Variants in CREB5 observed in about 807,000 individuals in gnomAD.
CREB5 encodes cAMP responsive element binding protein 5.
Under a neutral mutation model 57.1 loss-of-function variants are expected in CREB5, and 19 were observed. The observed-to-expected ratio is 0.33, with a 90% CI of 0.23 to 0.49. The LOEUF (loss-of-function observed/expected upper bound fraction) is 0.49. Among genes scored for constraint, CREB5 ranks in the 20% least tolerant of loss-of-function variants. The probability of loss-of-function intolerance (pLI) is 0.99; values close to 1 mark genes in which losing one functional copy is unlikely to be tolerated. For missense variants in CREB5, 579 were observed against 671.6 expected, an observed-to-expected ratio of 0.86 and a Z score of 1.52; for synonymous variants, 238 against 238.3, an observed-to-expected ratio of 1.00 and a Z score of 0.01.
chr7:28,492,335 T>A (rs1791842003), intron 2 of CREB5, among the ~76,000 whole-genome samples: 1 of 152,230 alleles, frequency 6.6e-6, no homozygotes, highest in South Asian at 2.1e-4. Flanking sequence ...TTCGACATTA[T>A]CTTTGTCTCA....
At chr7:28,435,740 G>A (rs907999967) in intron 1 of CREB5, 5 of 844,828 alleles carry the variant, frequency 5.9e-6, no homozygotes, top group Non-Finnish European at 7.1e-6. Flanking sequence ...CAAACACTCA[G>A]ATGTAAATTA....
chr7:28,399,919 G>A (rs983789678), intron 1 of CREB5, among the ~76,000 whole-genome samples: 18 of 152,132 alleles, frequency 1.2e-4, no homozygotes, highest in East Asian at 1.9e-4. Flanking sequence ...TTAGCTGGGC[G>A]TGGTGGCAGG....
chr7:28,370,463 G>A (rs1786684185), intron 1 of CREB5, among the ~76,000 whole-genome samples: 1 of 152,154 alleles, frequency 6.6e-6, no homozygotes, highest in Admixed American at 6.5e-5. Context: ...TGACGTTCTG[G>A]TTCATTCAAG....
chr7:28,585,639 AT>A (rs1476520763), intron 5 of CREB5, among the ~76,000 whole-genome samples: 1 of 152,196 alleles, frequency 6.6e-6, no homozygotes, highest in African/African-American at 2.4e-5. Flanking sequence ...GCTCTGAGTG[AT>A]TTAAAGGCAA....
intron 1 of CREB5, among the ~76,000 whole-genome samples, chr7:28,300,611 T>C (rs1457059246): frequency 1.3e-5 from 2 of 152,190 alleles, no homozygotes; most frequent in Admixed American, 1.3e-4. Context: ...CCAGTGAACA[T>C]TTCCTGTTGC....
At chr7:28,349,527 G>A (rs1165007059) in intron 1 of CREB5, among the ~76,000 whole-genome samples, 3 of 151,994 alleles carry the variant, frequency 2.0e-5, no homozygotes, top group South Asian at 4.2e-4. Flanking sequence ...CAATAGGGAG[G>A]TGTGAAATTT....
upstream of CREB5, chr7:28,410,407 T>A (rs1787732176): frequency 2.2e-6 from 1 of 456,650 alleles, no homozygotes; most frequent in Non-Finnish European, 4.4e-6. Flanking sequence ...CGGCAGATTC[T>A]CGGCAGAATC....
chr7:28,638,519 G>T (rs1470833570), intron 5 of CREB5, among the ~76,000 whole-genome samples: 4 of 151,764 alleles, frequency 2.6e-5, no homozygotes, highest in Admixed American at 2.0e-4. Context: ...GCTTATTTTG[G>T]ATTTTTTGGC....
intron 5 of CREB5, among the ~76,000 whole-genome samples, chr7:28,580,560 TG>T (rs1275608873): frequency 7.6e-5 from 8 of 105,044 alleles, no homozygotes; most frequent in Middle Eastern, 6.6e-3. Flanking sequence ...GGCAAATTGG[TG>T]TGTGTGTGTG....
chr7:28,797,638 A>G (rs1229710833), intron 7 of CREB5, among the ~76,000 whole-genome samples: 1 of 152,254 alleles, frequency 6.6e-6, no homozygotes, highest in Non-Finnish European at 1.5e-5. Context: ...TAAGCCAAGT[A>G]TGATCTTAGT....
intron 5 of CREB5, among the ~76,000 whole-genome samples, chr7:28,718,101 C>CT (rs749326941): frequency 9.2e-5 from 14 of 152,224 alleles, no homozygotes; most frequent in Non-Finnish European, 1.9e-4. Context: ...GTGAAACAGC[C>CT]TAACACCTCG....
intron 5 of CREB5, among the ~76,000 whole-genome samples, chr7:28,693,826 T>C (rs951412757): frequency 5.9e-5 from 9 of 152,238 alleles, no homozygotes; most frequent in South Asian, 2.1e-4. Context: ...GTTGACTTCT[T>C]TGGAAGTCTG....
chr7:28,665,064 A>G (rs943200899), intron 5 of CREB5, among the ~76,000 whole-genome samples: 2 of 152,220 alleles, frequency 1.3e-5, no homozygotes, highest in African/African-American at 4.8e-5. Flanking sequence ...AAGGCTAAGA[A>G]AAAGACAAAA....
At chr7:28,551,106 A>G (rs1794624743) in intron 4 of CREB5, among the ~76,000 whole-genome samples, 1 of 152,086 alleles carries the variant, frequency 6.6e-6, no homozygotes, top group Non-Finnish European at 1.5e-5. Context: ...GTTGATGATT[A>G]CCAGTGCCAA....
intron 1 of CREB5, among the ~76,000 whole-genome samples, chr7:28,416,377 GCTGA>G (rs1788026629): frequency 6.6e-6 from 1 of 152,178 alleles, no homozygotes; most frequent in Admixed American, 6.5e-5. Flanking sequence ...GTTTGAATTA[GCTGA>G]CTATTAGAAG....
intron 5 of CREB5, among the ~76,000 whole-genome samples, chr7:28,578,275 C>A (rs1414481599): frequency 6.6e-6 from 1 of 152,036 alleles, no homozygotes; most frequent in Non-Finnish European, 1.5e-5. Flanking sequence ...TCAAGATTGG[C>A]TCAGTATTTC....
chr7:28,561,697 T>G (rs1297881708), intron 4 of CREB5, among the ~76,000 whole-genome samples: 4 of 152,230 alleles, frequency 2.6e-5, no homozygotes, highest in African/African-American at 9.6e-5. Context: ...ACTGGTTATT[T>G]TCAGGTGAAC....
At position 28,560,909 on chromosome 7, in the gene CREB5, C is replaced by CGTGT. The variant is rs1268332483; in HGVS notation, c.292-9454_292-9451dup. Reference sequence around the variant, plus strand: ...GTGCGTGTGTGTGCGTGCGCGCGTGCGTGTGCGTGTGTGCGCGTGCGTGTG... The same window carrying CGTGT: ...GTGCGTGTGTGTGCGTGCGCGCGTGCGTGTGTGTGCGTGTGTGCGCGTGCGTGTG... On this transcript the variant is annotated intron_variant, in intron 4 of 10. Coordinates refer to ENST00000357727, the MANE Select transcript of CREB5 (RefSeq NM_182898.4). 5.2e-4 allele frequency among the ~76,000 whole-genome samples: 17 copies of CGTGT among 32,692 alleles called. 1 individual carries two copies. The highest frequency in any genetic ancestry group is 1.3e-3 in the South Asian group (1 of 792). The allele number at this position is 32,692 out of a possible 152,430, so 21.4% of individuals were successfully genotyped here.
intron 5 of CREB5, among the ~76,000 whole-genome samples, chr7:28,659,382 G>A (rs988753040): frequency 5.3e-5 from 8 of 152,082 alleles, no homozygotes; most frequent in Non-Finnish European, 7.4e-5. Context: ...TTCCAATTAT[G>A]AGGAAGTTTA....
Sources: allele counts gnomAD v4.1 joint callset (sites outside exome capture counted in the v4.1 genomes callset), GRCh38; gene constraint gnomAD v4.1.1; transcripts MANE v1.5; gene names NCBI Gene and HGNC (gene_info 2026-07-23, HGNC 2026-07-21).